The following SEMA3E variants were observed in gnomAD, a reference collection of about 807,000 sequenced individuals.
SEMA3E encodes semaphorin 3E.
A neutral mutation model predicts 93.6 loss-of-function variants in SEMA3E; 49 were observed. The observed-to-expected ratio is 0.52, with a 90% CI of 0.42 to 0.66. The LOEUF (loss-of-function observed/expected upper bound fraction) is 0.66, where lower values mean the gene tolerates loss of function less well. Among genes scored for constraint, SEMA3E ranks in the 30% least tolerant of loss-of-function variants. SEMA3E has a pLI of 0.00. For synonymous variants in SEMA3E, 363 were observed against 330.7 expected (o/e 1.10, Z -1.06); for missense variants, 906 against 964.8 (o/e 0.94, Z 0.81).
chr7:83,427,219 CT>C (rs1357284367), intron 4 of SEMA3E, among the ~76,000 whole-genome samples: 1 of 149,312 alleles, frequency 6.7e-6, no homozygotes, highest in East Asian at 1.9e-4. Flanking sequence ...TTTTTTCTTT[CT>C]TTCTTTCCTT....
chr7:83,589,299 T>A (rs56349043), intron 1 of SEMA3E, among the ~76,000 whole-genome samples: 10,485 of 152,214 alleles, frequency 0.069, 516 homozygotes, highest in Middle Eastern at 0.12. Context: ...TCAGAGTGAG[T>A]TTCTTTCCTA....
chr7:83,468,058 A>G (rs747660984), intron 3 of SEMA3E, among the ~76,000 whole-genome samples: 51 of 152,204 alleles, frequency 3.4e-4, no homozygotes, highest in Admixed American at 2.0e-4. Context: ...AATACATGCA[A>G]TCATCAGTTA....
chr7:83,400,215 G>A lies in SEMA3E; in HGVS notation c.1179C>T (p.Thr393=). 6.2e-7 allele frequency: 1 copy of A among 1,613,866 alleles called. No individual in the cohort carries two copies. The highest frequency in any genetic ancestry group is 8.5e-7 in the Non-Finnish European group (1 of 1,179,904). The change falls in exon 11 of 17, where the codon ACC becomes ACT. Residue 393 remains threonine, a synonymous_variant. Coordinates refer to ENST00000643230, the MANE Select transcript of SEMA3E (RefSeq NM_012431.3). ...TGGCATCATCAGGATAGTCCTTGGT[G>A]GTTCCGTATCTCCCTCCATTTACTT... ...ASKVNGGRYG[T]TKDYPDDAIR... is the part of the protein sequence containing the mutation.
chr7:83,389,281 T>C (rs73707815), intron 14 of SEMA3E, among the ~76,000 whole-genome samples: 6,406 of 152,184 alleles, frequency 0.042, 197 homozygotes, highest in African/African-American at 0.079. Context: ...ATTGCTTCTA[T>C]ATTGAGAACC....
chr7:83,463,866 C>A (rs1250224433), intron 4 of SEMA3E, among the ~76,000 whole-genome samples: 1 of 152,142 alleles, frequency 6.6e-6, no homozygotes. Flanking sequence ...GAGGATTTGC[C>A]CCACCCAGGA....
At chr7:83,522,604 C>G (rs2109544) in intron 1 of SEMA3E, among the ~76,000 whole-genome samples, 2 of 151,838 alleles carry the variant, frequency 1.3e-5, no homozygotes, top group African/African-American at 4.8e-5. Flanking sequence ...ACTTCCTTAA[C>G]AAATCATTTG....
intron 2 of SEMA3E, 110 bp from the exon 3 acceptor site, chr7:83,469,412 T>C: frequency 2.8e-6 from 2 of 709,990 alleles, no homozygotes; most frequent in Non-Finnish European, 4.8e-6. Flanking sequence ...TTTTTTTTTT[T>C]CTGTTTTCTG....
chr7:83,596,883 G>A (rs1041873714), intron 1 of SEMA3E, among the ~76,000 whole-genome samples: 5 of 151,970 alleles, frequency 3.3e-5, no homozygotes, highest in Non-Finnish European at 5.9e-5. Context: ...TAATCTAACC[G>A]AAATAACTTC....
intron 1 of SEMA3E, among the ~76,000 whole-genome samples, chr7:83,591,119 AAAAC>A (rs200127504): frequency 0.028 from 4,193 of 150,874 alleles, 163 homozygotes; most frequent in African/African-American, 0.094. Flanking sequence ...AAAAAAAAAA[AAAAC>A]AAGAGGAATT....
chr7:83,495,467 A>G (rs1187343397), intron 1 of SEMA3E, among the ~76,000 whole-genome samples: 1 of 131,302 alleles, frequency 7.6e-6, no homozygotes, highest in Non-Finnish European at 1.8e-5. Flanking sequence ...GAGCATTATA[A>G]ACATAAAACA....
At chr7:83,613,699 A>G (rs1793309705) in intron 1 of SEMA3E, among the ~76,000 whole-genome samples, 1 of 152,100 alleles carries the variant, frequency 6.6e-6, no homozygotes, top group Non-Finnish European at 1.5e-5. Flanking sequence ...TTAAAAAATA[A>G]TAAACTTAAA....
chr7:83,469,222 T>G, intron 3 of SEMA3E, 21 bp downstream of exon 3: 1 of 1,577,908 alleles, frequency 6.3e-7, no homozygotes, highest in Non-Finnish European at 8.7e-7. Flanking sequence ...ATTTGTTTAA[T>G]TTACAATGAA....
intron 1 of SEMA3E, among the ~76,000 whole-genome samples, chr7:83,499,336 C>T (rs533430544): frequency 9.9e-4 from 150 of 152,246 alleles, no homozygotes; most frequent in Non-Finnish European, 1.7e-3. Context: ...TTAAAATTCC[C>T]TGACTATATG....
At chr7:83,431,398 A>T (rs1031093501) in intron 4 of SEMA3E, among the ~76,000 whole-genome samples, 1 of 152,108 alleles carries the variant, frequency 6.6e-6, no homozygotes, top group Non-Finnish European at 1.5e-5. Flanking sequence ...AGTTGGAAAC[A>T]CTAACGGGTA....
chr7:83,418,924 T>A (rs1032399276), intron 4 of SEMA3E, among the ~76,000 whole-genome samples: 5 of 152,008 alleles, frequency 3.3e-5, no homozygotes, highest in African/African-American at 1.2e-4. Flanking sequence ...ATATAAGGGG[T>A]ACATATGCAG....
chr7:83,493,868 T>C (rs1444782272), intron 1 of SEMA3E, among the ~76,000 whole-genome samples: 2 of 151,952 alleles, frequency 1.3e-5, no homozygotes, highest in African/African-American at 2.4e-5. Flanking sequence ...TTTTGTAACA[T>C]CCTTGACTTT....
intron 1 of SEMA3E, chr7:83,616,834 C>T: frequency 2.7e-6 from 1 of 366,236 alleles, no homozygotes; most frequent in South Asian, 2.1e-5. Context: ...AAGTGATTCT[C>T]CTGCCTCAGC....
intron 15 of SEMA3E, among the ~76,000 whole-genome samples, chr7:83,386,282 C>T (rs1000440115): frequency 6.6e-6 from 1 of 152,034 alleles, no homozygotes; most frequent in Non-Finnish European, 1.5e-5. Context: ...TCTGGCTCTG[C>T]GTATAGCCAC....
At chr7:83,576,689 A>C (rs1792407800) in intron 1 of SEMA3E, among the ~76,000 whole-genome samples, 1 of 152,064 alleles carries the variant, frequency 6.6e-6, no homozygotes, top group Non-Finnish European at 1.5e-5. Context: ...GCAGTGGTGC[A>C]GTCTTGGCTC....
Sources: allele counts gnomAD v4.1 joint callset (sites outside exome capture counted in the v4.1 genomes callset), GRCh38; gene constraint gnomAD v4.1.1; transcripts MANE v1.5; gene names NCBI Gene and HGNC (gene_info 2026-07-23, HGNC 2026-07-21).